The following PCCA variants were observed in gnomAD, a reference collection of about 807,000 sequenced individuals.
The protein encoded by PCCA is propionyl-CoA carboxylase subunit alpha, also known as propionyl-CoA carboxylase alpha chain, mitochondrial.
A neutral mutation model predicts 101.3 loss-of-function variants in PCCA; 74 were observed. That is an observed-to-expected ratio of 0.73 (90% confidence interval 0.61 to 0.89). The LOEUF is 0.89. PCCA is among the 40% of genes least tolerant of loss of function. The pLI, the probability that PCCA is intolerant of heterozygous loss-of-function variation, is 0.00. For synonymous variants in PCCA, 294 were observed against 313.6 expected (o/e 0.94, Z 0.66); for missense variants, 891 against 907.0 (o/e 0.98, Z 0.23).
intron 21 of PCCA, among the ~76,000 whole-genome samples, chr13:100,483,568 G>A (rs187032127): frequency 1.4e-4 from 21 of 152,302 alleles, no homozygotes; most frequent in East Asian, 5.8e-4. Context: ...CGCCCTCTTG[G>A]TCTTCTTTTG....
At chr13:100,195,944 G>A (rs1468000531) in intron 6 of PCCA, among the ~76,000 whole-genome samples, 1 of 151,922 alleles carries the variant, frequency 6.6e-6, no homozygotes, top group Non-Finnish European at 1.5e-5. Flanking sequence ...CTCTGGAAGT[G>A]GTATCAGTGC....
chr13:100,407,969 G>A (rs2077789470), intron 19 of PCCA, among the ~76,000 whole-genome samples: 1 of 152,054 alleles, frequency 6.6e-6, no homozygotes, highest in African/African-American at 2.4e-5. Flanking sequence ...TGACCAACAT[G>A]GTGAGACCCT....
chr13:100,162,058 C>T (rs1594458743), intron 6 of PCCA, among the ~76,000 whole-genome samples: 1 of 149,962 alleles, frequency 6.7e-6, no homozygotes, highest in East Asian at 2.0e-4. Flanking sequence ...CCACTGTTAC[C>T]TTCTGGAGCA....
chr13:100,298,650 C>G, intron 12 of PCCA, among the ~76,000 whole-genome samples: 1 of 1,100 alleles, frequency 9.1e-4, no homozygotes, highest in South Asian at 0.062. Flanking sequence ...CTCCCTCCCT[C>G]CCTCCCTCCC....
chr13:100,312,583 A>C (rs926960638), intron 16 of PCCA, among the ~76,000 whole-genome samples: 5 of 152,218 alleles, frequency 3.3e-5, no homozygotes, highest in African/African-American at 7.2e-5. Context: ...TCTTTTGTGA[A>C]TCTTTCCTAT....
At chr13:100,262,698 C>A (rs758185006) in intron 9 of PCCA, 31 bp from the exon 10 acceptor site, 3 of 931,226 alleles carry the variant, frequency 3.2e-6, no homozygotes, top group East Asian at 2.4e-5. Context: ...CCCTCTCCCC[C>A]CCTCCTCCTT....
intron 12 of PCCA, among the ~76,000 whole-genome samples, chr13:100,287,438 T>G (rs541076502): frequency 6.6e-6 from 1 of 152,242 alleles, no homozygotes; most frequent in Admixed American, 6.5e-5. Context: ...AATATGTTCT[T>G]TTTTTCCCTT....
At chr13:100,283,268 G>A (rs541870006) in intron 12 of PCCA, among the ~76,000 whole-genome samples, 2 of 152,206 alleles carry the variant, frequency 1.3e-5, no homozygotes, top group South Asian at 4.1e-4. Flanking sequence ...AATGACAGCC[G>A]AAGAAAGGGA....
chr13:100,225,603 T>C (rs2060100809), intron 7 of PCCA, among the ~76,000 whole-genome samples: 1 of 152,158 alleles, frequency 6.6e-6, no homozygotes, highest in Admixed American at 6.5e-5. Flanking sequence ...ACCAAAAAAT[T>C]GGAGACAAGC....
In PCCA at chr13:100,307,118, A is replaced by G. The variant is rs1357372075; in HGVS notation, c.1285-74A>G. 4.2e-6 allele frequency: 4 copies of G among 955,536 alleles called. No individual in the cohort carries two copies. The African/African-American group carries it at 6.5e-5, about 16-fold the overall frequency. The allele number at this position is 955,536 out of a possible 1,614,324, so 59.2% of individuals were successfully genotyped here. Reference sequence around the variant, plus strand: ...AATTCTCTATCCATTTTCTCCATGGAAATGAAATTGGTGGTTACAAAAAAA... The same window carrying G: ...AATTCTCTATCCATTTTCTCCATGGGAATGAAATTGGTGGTTACAAAAAAA... On this transcript the variant is annotated intron_variant, in intron 14 of 23. Coordinates refer to ENST00000376285, the MANE Select transcript of PCCA (RefSeq NM_000282.4).
intron 12 of PCCA, among the ~76,000 whole-genome samples, chr13:100,281,513 A>G (rs74113882): frequency 0.019 from 2,843 of 152,258 alleles, 104 homozygotes; most frequent in African/African-American, 0.066. Flanking sequence ...GGGGACTACT[A>G]TATATGCAAT....
intron 21 of PCCA, among the ~76,000 whole-genome samples, chr13:100,459,363 A>G (rs1455881040): frequency 2.6e-5 from 4 of 152,242 alleles, no homozygotes; most frequent in African/African-American, 9.6e-5. Flanking sequence ...TGTAAAGCTA[A>G]AAAGTGACTG....
rs183418205 is a variant in PCCA at position 100,123,091 on chromosome 13, C to G, written c.300+11030C>G. On this transcript the variant is annotated intron_variant, in intron 4 of 23. Coordinates refer to ENST00000376285, the MANE Select transcript of PCCA (RefSeq NM_000282.4). ...TTTTCTTTTGAGACAAATTCTCACT[C>G]TGTCGTCCAGGCTGGAGTGCAATGG... 7.3e-3 allele frequency among the ~76,000 whole-genome samples: 1,118 copies of G among 152,354 alleles called. 14 individuals carry two copies. The highest frequency in any genetic ancestry group is 0.016 in the South Asian group (77 of 4,824).
At chr13:100,113,664 T>C (rs989992874) in intron 4 of PCCA, among the ~76,000 whole-genome samples, 1 of 151,820 alleles carries the variant, frequency 6.6e-6, no homozygotes, top group African/African-American at 2.4e-5. Context: ...CTGCAACCTC[T>C]GTCTCCCGGG....
At chr13:100,404,354 G>A (rs1015060568) in intron 19 of PCCA, among the ~76,000 whole-genome samples, 1 of 152,164 alleles carries the variant, frequency 6.6e-6, no homozygotes, top group Admixed American at 6.5e-5. Flanking sequence ...CCCGTTTAAG[G>A]TTTGGGAAAT....
At chr13:100,105,442 G>C (rs2047662528) in intron 2 of PCCA, among the ~76,000 whole-genome samples, 1 of 152,034 alleles carries the variant, frequency 6.6e-6, no homozygotes, top group Non-Finnish European at 1.5e-5. Flanking sequence ...TGTTGAAGAG[G>C]ACACATTATA....
intron 1 of PCCA, among the ~76,000 whole-genome samples, chr13:100,094,663 C>T (rs532296973): frequency 2.0e-5 from 3 of 152,302 alleles, no homozygotes; most frequent in Admixed American, 6.5e-5. Flanking sequence ...TCTCCGCTCA[C>T]GGCAACCTCC....
chr13:100,188,233 C>T (rs1481699694), intron 6 of PCCA, among the ~76,000 whole-genome samples: 1 of 152,102 alleles, frequency 6.6e-6, no homozygotes, highest in Non-Finnish European at 1.5e-5. Context: ...GTGGAGGTTG[C>T]AGTGAGCCGA....
At chr13:100,423,175 G>C (rs2078938150) in intron 19 of PCCA, among the ~76,000 whole-genome samples, 1 of 152,030 alleles carries the variant, frequency 6.6e-6, no homozygotes, top group Non-Finnish European at 1.5e-5. Flanking sequence ...TGAAAGGGTA[G>C]GCTGGTTCTT....
Sources: allele counts gnomAD v4.1 joint callset (sites outside exome capture counted in the v4.1 genomes callset), GRCh38; gene constraint gnomAD v4.1.1; transcripts MANE v1.5; gene names NCBI Gene and HGNC (gene_info 2026-07-23, HGNC 2026-07-21).